NRG3: variants seen among roughly 807,000 people sequenced by gnomAD.
NRG3 encodes neuregulin 3.
Under a neutral mutation model 66.9 loss-of-function variants are expected in NRG3, and 31 were observed. The ratio of observed to expected loss-of-function variants is 0.46; its 90% CI spans 0.35 to 0.63. The LOEUF (loss-of-function observed/expected upper bound fraction) is 0.63, where lower values mean the gene tolerates loss of function less well. NRG3 is among the 20% of genes least tolerant of loss of function. The pLI, the probability that NRG3 is intolerant of heterozygous loss-of-function variation, is 0.00. For missense variants in NRG3, 910 were observed against 878.9 expected (o/e 1.04, Z -0.45); for synonymous variants, 393 against 359.4 (o/e 1.09, Z -1.06).
intron 2 of NRG3, among the ~76,000 whole-genome samples, chr10:82,462,375 G>T (rs1265486050): frequency 6.6e-6 from 1 of 151,350 alleles, no homozygotes; most frequent in Non-Finnish European, 1.5e-5. Context: ...GTATATTAAT[G>T]ATCCAAATAT....
chr10:82,679,155 A>G (rs763265484), intron 2 of NRG3, among the ~76,000 whole-genome samples: 1 of 152,202 alleles, frequency 6.6e-6, no homozygotes, highest in African/African-American at 2.4e-5. Flanking sequence ...TGTCTTGTAC[A>G]TAGTAGATGC....
At chr10:82,931,314 C>T (rs2132162404) in intron 4 of NRG3, among the ~76,000 whole-genome samples, 1 of 152,284 alleles carries the variant, frequency 6.6e-6, no homozygotes, top group African/African-American at 2.4e-5. Flanking sequence ...TTCCATCTGA[C>T]TTCAAGGTTA....
chr10:82,545,581 C>G (rs1407128210), intron 2 of NRG3, among the ~76,000 whole-genome samples: 2 of 151,738 alleles, frequency 1.3e-5, no homozygotes, highest in Non-Finnish European at 2.9e-5. Flanking sequence ...TGGGGTTTCA[C>G]CGTGTTAGCC....
chr10:82,396,571 G>A (rs928365755), intron 2 of NRG3, among the ~76,000 whole-genome samples: 1 of 152,114 alleles, frequency 6.6e-6, no homozygotes, highest in African/African-American at 2.4e-5. Flanking sequence ...GCAACCAATC[G>A]CTGACTGACT....
intron 1 of NRG3, among the ~76,000 whole-genome samples, chr10:82,235,936 A>G (rs373217199): frequency 2.4e-4 from 37 of 152,022 alleles, no homozygotes; most frequent in Non-Finnish European, 4.4e-4. Flanking sequence ...TGGATCTACA[A>G]TGAACATTAT....
Position 82,608,182 on chromosome 10 carries a change from A to G in NRG3, c.954-130395A>G, listed in dbSNP as rs139514383. Among the ~76,000 whole-genome samples the G allele has an allele frequency of 1.3e-3, 193 of 152,310 alleles. 1 individual carries two copies. The highest frequency in any genetic ancestry group is 3.0e-3 in the Admixed American group (46 of 15,284). The stretch of plus-strand genomic sequence containing the variant: ...TTGAAGACTTCCATTCTGAATAACA[A>G]TGTCATTGGATACAGATTTTAGCTT... On this transcript the variant is annotated intron_variant, in intron 2 of 8. Coordinates refer to ENST00000372141, the MANE Select transcript of NRG3 (RefSeq NM_001010848.4).
chr10:81,971,121 C>G (rs1182220933), intron 1 of NRG3, among the ~76,000 whole-genome samples: 4 of 152,134 alleles, frequency 2.6e-5, no homozygotes, highest in Non-Finnish European at 5.9e-5. Flanking sequence ...GCCTAGGCAA[C>G]AAGAGCAAAC....
intron 3 of NRG3, among the ~76,000 whole-genome samples, chr10:82,784,722 T>C (rs1436635520): frequency 3.3e-5 from 5 of 151,898 alleles, no homozygotes; most frequent in African/African-American, 1.2e-4. Context: ...CTGGAGAGGA[T>C]ATGGAGAAAT....
intron 1 of NRG3, among the ~76,000 whole-genome samples, chr10:82,051,833 A>T (rs931990407): frequency 6.6e-6 from 1 of 150,378 alleles, no homozygotes; most frequent in Non-Finnish European, 1.5e-5. Context: ...TGCTTCCTTT[A>T]CTTGAGATCT....
intron 1 of NRG3, among the ~76,000 whole-genome samples, chr10:82,186,682 ATTAC>A (rs1334032380): frequency 6.6e-6 from 1 of 152,202 alleles, no homozygotes; most frequent in African/African-American, 2.4e-5. Context: ...TGTTGAATTG[ATTAC>A]TTAATCAAAA....
intron 2 of NRG3, among the ~76,000 whole-genome samples, chr10:82,610,014 G>T (rs2048210205): frequency 6.6e-6 from 1 of 152,142 alleles, no homozygotes; most frequent in Admixed American, 6.6e-5. Context: ...CTGCTCCCAG[G>T]CTCACTCAGC....
intron 2 of NRG3, among the ~76,000 whole-genome samples, chr10:82,626,419 A>G (rs139832512): frequency 2.0e-5 from 3 of 152,310 alleles, no homozygotes; most frequent in African/African-American, 4.8e-5. Context: ...CATACTGACC[A>G]TGAAGAGTGT....
chr10:82,474,736 T>C (rs1353872650), intron 2 of NRG3, among the ~76,000 whole-genome samples: 1 of 151,966 alleles, frequency 6.6e-6, no homozygotes, highest in Admixed American at 6.6e-5. Flanking sequence ...ATACTAAATT[T>C]AGGAAAGAAA....
intron 1 of NRG3, among the ~76,000 whole-genome samples, chr10:82,214,536 C>T (rs1734175880): frequency 6.6e-6 from 1 of 152,208 alleles, no homozygotes; most frequent in African/African-American, 2.4e-5. Flanking sequence ...GCAATCATAG[C>T]TCATTGTAGT....
intron 2 of NRG3, among the ~76,000 whole-genome samples, chr10:82,644,331 T>G (rs2050790158): frequency 6.6e-6 from 1 of 152,160 alleles, no homozygotes; most frequent in Non-Finnish European, 1.5e-5. Context: ...AAGTGTTTGC[T>G]TCCTAAATGA....
intron 1 of NRG3, among the ~76,000 whole-genome samples, chr10:82,253,589 C>T (rs1411498217): frequency 6.6e-6 from 1 of 152,186 alleles, no homozygotes; most frequent in Admixed American, 6.5e-5. Flanking sequence ...CAGACTCAGC[C>T]ACCATCACCT....
chr10:82,256,503 C>T lies in NRG3; in HGVS notation c.824-102236C>T, dbSNP rs569705828. ...TCTCTGGTCTTGTCAGGCTTTACTC[C>T]TCCTTCCTGTCCTGAGGCACAGGCT... On this transcript the variant is annotated intron_variant, in intron 1 of 8. Coordinates refer to ENST00000372141, the MANE Select transcript of NRG3 (RefSeq NM_001010848.4). Among the ~76,000 whole-genome samples, 15 of 152,280 alleles carry T rather than the reference C, an allele frequency of 9.9e-5. No individual in the cohort carries two copies. The South Asian group carries it at 3.1e-3, about 32-fold the overall frequency.
At chr10:82,007,503 CG>C (rs1332959512) in intron 1 of NRG3, among the ~76,000 whole-genome samples, 1 of 151,948 alleles carries the variant, frequency 6.6e-6, no homozygotes, top group Non-Finnish European at 1.5e-5. Context: ...CATCAGTGCC[CG>C]GCCTAAAATC....
intron 1 of NRG3, among the ~76,000 whole-genome samples, chr10:82,335,380 C>A (rs2068372845): frequency 6.6e-6 from 1 of 152,104 alleles, no homozygotes; most frequent in Non-Finnish European, 1.5e-5. Context: ...CCCTTTCCTA[C>A]TAAACGAGGT....
Sources: allele counts gnomAD v4.1 joint callset (sites outside exome capture counted in the v4.1 genomes callset), GRCh38; gene constraint gnomAD v4.1.1; transcripts MANE v1.5; gene names NCBI Gene and HGNC (gene_info 2026-07-23, HGNC 2026-07-21).